Variants in TRAPPC8 observed in about 807,000 individuals in gnomAD.
TRAPPC8 encodes trafficking protein particle complex subunit 8, also known as general sporulation gene 1 homolog.
A neutral mutation model predicts 174.3 loss-of-function variants in TRAPPC8; 54 were observed. The ratio of observed to expected loss-of-function variants is 0.31; its 90% CI spans 0.25 to 0.39. The LOEUF is 0.39. Ranked by LOEUF, TRAPPC8 falls within the 10% of genes least tolerant of loss-of-function variation. TRAPPC8 has a pLI of 1.00. For synonymous variants in TRAPPC8, 630 were observed against 579.9 expected (o/e 1.09, Z -1.24); for missense variants, 1,531 against 1,699.1 (o/e 0.90, Z 1.74).
chr18:31,933,296 G>T (rs1237630092), intron 1 of TRAPPC8, among the ~76,000 whole-genome samples: 1 of 115,100 alleles, frequency 8.7e-6, no homozygotes, highest in Non-Finnish European at 1.7e-5. Context: ...GCGAGACTCC[G>T]TCTCAAAAAA....
At chr18:31,926,799 TGAA>T (rs1473380426) in intron 2 of TRAPPC8, among the ~76,000 whole-genome samples, 4 of 152,026 alleles carry the variant, frequency 2.6e-5, no homozygotes, top group African/African-American at 9.7e-5. Flanking sequence ...GGCTAAGCAG[TGAA>T]GAAGTGAATG....
At chr18:31,859,541 G>T (rs2034213479) in intron 19 of TRAPPC8, among the ~76,000 whole-genome samples, 1 of 139,988 alleles carries the variant, frequency 7.1e-6, no homozygotes, top group South Asian at 3.0e-4. Context: ...AACAAAAAGT[G>T]AAATAGAGTA....
At chr18:31,877,249 G>C (rs184047588) in intron 12 of TRAPPC8, among the ~76,000 whole-genome samples, 1 of 152,284 alleles carries the variant, frequency 6.6e-6, no homozygotes. Context: ...GGTTCTCCCT[G>C]CTGGGAGCTG....
At chr18:31,853,286 G>C (rs1054573367) in intron 22 of TRAPPC8, among the ~76,000 whole-genome samples, 1 of 152,020 alleles carries the variant, frequency 6.6e-6, no homozygotes, top group African/African-American at 2.4e-5. Flanking sequence ...TTTGTTTTTT[G>C]TGACAGAGTC....
intron 13 of TRAPPC8, chr18:31,874,208 C>T: frequency 2.1e-6 from 1 of 468,112 alleles, no homozygotes; most frequent in Non-Finnish European, 3.7e-6. Flanking sequence ...ATAAAGAATC[C>T]AGAAAACCTG....
Position 31,908,761 on chromosome 18 carries a change from TTTAA to T in TRAPPC8, c.1111_1114del (p.Leu371ThrfsTer4). On this transcript the variant is annotated frameshift_variant, in exon 7 of 29. Coordinates refer to ENST00000283351, the MANE Select transcript of TRAPPC8 (RefSeq NM_014939.5). LOFTEE classifies it high-confidence loss of function. ...CAAAAAATCAAACCTTACCTGATCG[TTTAA>T]TTGCCTAATTGTTTTCTCTATATGT... 1 of 1,593,358 alleles carries T rather than the reference TTTAA, an allele frequency of 6.3e-7. No homozygotes were observed.
chr18:31,835,306 C>T (rs772377123), intron 27 of TRAPPC8, among the ~76,000 whole-genome samples: 7 of 152,192 alleles, frequency 4.6e-5, no homozygotes, highest in East Asian at 3.9e-4. Flanking sequence ...ACTATTCTCT[C>T]GCTACCCTCC....
At chr18:31,902,958 A>G (rs1334411663) in intron 9 of TRAPPC8, among the ~76,000 whole-genome samples, 3 of 151,602 alleles carry the variant, frequency 2.0e-5, no homozygotes, top group Non-Finnish European at 4.4e-5. Context: ...CTGAGGCAGG[A>G]GAATGGCGTG....
At position 31,912,423 on chromosome 18, in the gene TRAPPC8, G is replaced by A. The variant is rs529743082; in HGVS notation, c.771+946C>T. On this transcript the variant is annotated intron_variant, in intron 5 of 28. Coordinates refer to ENST00000283351, the MANE Select transcript of TRAPPC8 (RefSeq NM_014939.5). Reference sequence around the variant, plus strand: ...GGAGAACTGCTTGAACATGGGAAGTGGAGGGTTGCAGTGAGCCAAGATCGC... The same window carrying A: ...GGAGAACTGCTTGAACATGGGAAGTAGAGGGTTGCAGTGAGCCAAGATCGC... Among the ~76,000 whole-genome samples the A allele has an allele frequency of 2.6e-5, 4 of 152,190 alleles. No homozygotes were observed. The South Asian group carries it at 8.3e-4, about 32-fold the overall frequency.
In TRAPPC8 at chr18:31,913,476, C is replaced by T. The variant is rs776401545; in HGVS notation, c.664G>A (p.Gly222Ser). ...EEMKQKYGTQ[G>S]CYLLKINSRT... ...GAATTAATTTTAAGTAAATAGCAACCCTGAGTTCCATATTTCTGTTTCATT... is the reference window on the plus strand; with the variant it reads ...GAATTAATTTTAAGTAAATAGCAACTCTGAGTTCCATATTTCTGTTTCATT... Residue 222 changes from glycine (G) to serine (S), a missense_variant, in exon 5 of 29, where the codon GGT (glycine) becomes AGT (serine). Gly to Ser is a moderately conservative substitution (Grantham distance 56). Transcript: ENST00000283351. 1.6e-5 allele frequency: 25 copies of T among 1,608,736 alleles called. No individual in the cohort carries two copies. The highest frequency in any genetic ancestry group is 2.2e-5 in the East Asian group (1 of 44,722).
At chr18:31,832,977 TATA>T (rs2032466993) in intron 27 of TRAPPC8, among the ~76,000 whole-genome samples, 2 of 152,330 alleles carry the variant, frequency 1.3e-5, no homozygotes, top group South Asian at 4.1e-4. Flanking sequence ...TCAGAAACTT[TATA>T]TCTTCTTACT....
chr18:31,901,100 G>T, intron 9 of TRAPPC8, 75 bp from the exon 10 acceptor site: 1 of 1,337,622 alleles, frequency 7.5e-7, no homozygotes, highest in South Asian at 1.4e-5. Flanking sequence ...ACTAAAAGTT[G>T]GAATGAAATT....
In TRAPPC8 at chr18:31,941,059, G is replaced by A. The variant is rs535981820; in HGVS notation, c.157+1549C>T. On this transcript the variant is annotated intron_variant, in intron 1 of 28. Transcript: ENST00000283351. The stretch of plus-strand genomic sequence containing the variant: ...AAAAAAGAAAAGTTACACAAAGCAA[G>A]TATCAGGTATTAGCATTATTATTAT... Among the ~76,000 whole-genome samples the A allele has an allele frequency of 6.3e-4, 96 of 152,290 alleles. 1 individual carries two copies. The South Asian group carries it at 0.013, about 21-fold the overall frequency.
intron 1 of TRAPPC8, among the ~76,000 whole-genome samples, chr18:31,935,393 C>A: frequency 8.5e-6 from 1 of 118,258 alleles, no homozygotes; most frequent in Non-Finnish European, 1.7e-5. Context: ...ATAAATAAGT[C>A]TGCAATTACA....
At chr18:31,882,133 C>T (rs112712394) in intron 12 of TRAPPC8, among the ~76,000 whole-genome samples, 6 of 152,198 alleles carry the variant, frequency 3.9e-5, no homozygotes, top group African/African-American at 1.4e-4. Context: ...AATTGTTCTA[C>T]CAAAAAGACA....
intron 1 of TRAPPC8, among the ~76,000 whole-genome samples, chr18:31,935,999 A>T (rs990567022): frequency 2.6e-5 from 4 of 151,292 alleles, no homozygotes; most frequent in African/African-American, 9.7e-5. Flanking sequence ...GGCCTCCCAA[A>T]GTGCTGGGAT....
chr18:31,878,068 T>A (rs1367418755), intron 12 of TRAPPC8, among the ~76,000 whole-genome samples: 1 of 152,144 alleles, frequency 6.6e-6, no homozygotes, highest in Admixed American at 6.5e-5. Context: ...GAGGAAGAAG[T>A]TCCGCCCTGA....
intron 2 of TRAPPC8, chr18:31,926,472 GT>G (rs11343145): frequency 0.29 from 43,699 of 148,662 alleles, 6,667 homozygotes; most frequent in Middle Eastern, 0.4. Context: ...TTTTGTTTTG[GT>G]TTTTTTTTTT....
Position 31,854,073 on chromosome 18 carries a change from A to T in TRAPPC8, c.3337-128T>A, listed in dbSNP as rs77349840. 5.3e-4 allele frequency: 370 copies of T among 695,904 alleles called. 1 individual carries two copies. In the African/African-American group the frequency reaches 6.4e-3, roughly 12 times the overall value. The allele number at this position is 695,904 out of a possible 1,614,324, so 43.1% of individuals were successfully genotyped here. ...TTAACATAAGATGCAATTACAATAT[A>T]CATTTCCAAAAACTTATTTAAATCC... is the stretch of plus-strand genomic sequence containing the variant. On this transcript the variant is annotated intron_variant, in intron 21 of 28. Coordinates refer to ENST00000283351, the MANE Select transcript of TRAPPC8 (RefSeq NM_014939.5).
Sources: allele counts gnomAD v4.1 joint callset (sites outside exome capture counted in the v4.1 genomes callset), GRCh38; gene constraint gnomAD v4.1.1; transcripts MANE v1.5; gene names NCBI Gene and HGNC (gene_info 2026-07-23, HGNC 2026-07-21).